PREP: variants seen among roughly 807,000 people sequenced by gnomAD.
PREP encodes prolyl endopeptidase.
In PREP, 29 loss-of-function variants were observed where a neutral mutation model predicts 87.6. The observed-to-expected ratio is 0.33, with a 90% CI of 0.25 to 0.45. The LOEUF is 0.45. PREP is among the 20% of genes least tolerant of loss of function. The probability of loss-of-function intolerance (pLI) is 1.00; values close to 1 mark genes in which losing one functional copy is unlikely to be tolerated. For synonymous variants in PREP, 337 were observed against 328.6 expected (o/e 1.03, Z -0.28); for missense variants, 695 against 886.5 (o/e 0.78, Z 2.74).
At chr6:105,320,541 T>C (rs1291173409) in intron 10 of PREP, among the ~76,000 whole-genome samples, 1 of 152,210 alleles carries the variant, frequency 6.6e-6, no homozygotes, top group African/African-American at 2.4e-5. Flanking sequence ...TCCTTCTCCT[T>C]GGCTGGTCTA....
intron 7 of PREP, among the ~76,000 whole-genome samples, chr6:105,343,900 G>C (rs1771729024): frequency 6.6e-6 from 1 of 152,194 alleles, no homozygotes; most frequent in Non-Finnish European, 1.5e-5. Context: ...TGGAGAAATA[G>C]GAACACTTTT....
intron 10 of PREP, among the ~76,000 whole-genome samples, chr6:105,321,158 C>A (rs1436647178): frequency 6.6e-6 from 1 of 152,178 alleles, no homozygotes; most frequent in Non-Finnish European, 1.5e-5. Flanking sequence ...AGATACAAAT[C>A]TTCTATTGGC....
At chr6:105,375,088 C>T (rs1476063023) in intron 4 of PREP, among the ~76,000 whole-genome samples, 1 of 151,966 alleles carries the variant, frequency 6.6e-6, no homozygotes, top group African/African-American at 2.4e-5. Context: ...AGAATCTGAG[C>T]TGGTGATGTC....
At chr6:105,388,261 T>A (rs1773053376) in intron 2 of PREP, among the ~76,000 whole-genome samples, 1 of 152,100 alleles carries the variant, frequency 6.6e-6, no homozygotes, top group African/African-American at 2.4e-5. Context: ...TGGGATACCA[T>A]CACTTGAAAA....
At chr6:105,323,313 C>G (rs1166746339) in intron 10 of PREP, among the ~76,000 whole-genome samples, 1 of 151,958 alleles carries the variant, frequency 6.6e-6, no homozygotes, top group African/African-American at 2.4e-5. Flanking sequence ...AGAGCAAATC[C>G]CCATGTTATT....
chr6:105,347,136 A>G (rs1562209754), intron 7 of PREP, among the ~76,000 whole-genome samples: 1 of 152,224 alleles, frequency 6.6e-6, no homozygotes, highest in Non-Finnish European at 1.5e-5. Flanking sequence ...CTGACTTTCT[A>G]CTGGAAAATT....
In PREP at chr6:105,277,299, T is replaced by A. The variant is rs1769962995; in HGVS notation, c.*845A>T. On this transcript the variant is annotated 3_prime_UTR_variant, in exon 15 of 15. Coordinates refer to ENST00000652536, the MANE Select transcript of PREP (RefSeq NM_002726.5). ...GGATATATGTATCTGTTTGTTTGGA[T>A]AATTTACTCATGTGATCTCTTGGAA... Among the ~76,000 whole-genome samples, 1 of 152,132 alleles carries A rather than the reference T, an allele frequency of 6.6e-6. No homozygotes were observed. Among genetic ancestry groups the A allele is most frequent in the Non-Finnish European group, 1.5e-5 (1 of 68,020 alleles).
chr6:105,311,762 C>T (rs1460654420), intron 10 of PREP, among the ~76,000 whole-genome samples: 3 of 152,192 alleles, frequency 2.0e-5, no homozygotes, highest in Admixed American at 2.0e-4. Flanking sequence ...AGGGGTTCTT[C>T]CCCATCCCAC....
At chr6:105,323,209 G>A in intron 10 of PREP, 1 of 993,306 alleles carries the variant, frequency 1.0e-6, no homozygotes, top group Non-Finnish European at 1.4e-6. Flanking sequence ...TCATTCAAAT[G>A]TTTTATTGAG....
intron 10 of PREP, among the ~76,000 whole-genome samples, chr6:105,301,021 TCA>T (rs199953818): frequency 0.01 from 1,580 of 152,322 alleles, 24 homozygotes; most frequent in South Asian, 0.012. Flanking sequence ...GAATGTGCAA[TCA>T]GTTAGGTTCC....
At position 105,383,871 on chromosome 6, in the gene PREP, G is replaced by C. The variant is rs191964331; in HGVS notation, c.121-6352C>G. Among the ~76,000 whole-genome samples the C allele has an allele frequency of 1.3e-3, 200 of 152,172 alleles. 1 individual carries two copies. Among genetic ancestry groups the C allele is most frequent in the African/African-American group, 4.7e-3 (195 of 41,514 alleles). On this transcript the variant is annotated intron_variant, in intron 2 of 14. Coordinates refer to ENST00000652536, the MANE Select transcript of PREP (RefSeq NM_002726.5). ...TTCCTGACCAAAAACCTGGTGAAGA[G>C]GTGATTTGCACCTCAAATCCAAACC...
Position 105,402,902 on chromosome 6 carries a change from AGGCAGGG to A in PREP, c.-18_-12del, listed in dbSNP as rs1773473220. ...CTGAAGGGACAGCATGGCCGGGGAC[AGGCAGGG>A]GGCAGCGTGGAGGGGCGCGGGCTCC... On this transcript the variant is annotated 5_prime_UTR_variant, in exon 1 of 15. Transcript: ENST00000652536. 6.7e-7 allele frequency: 1 copy of A among 1,501,106 alleles called. No homozygotes were observed. Among genetic ancestry groups the A allele is most frequent in the Non-Finnish European group, 9.0e-7 (1 of 1,113,608 alleles). The allele number at this position is 1,501,106 out of a possible 1,614,324, so 93.0% of individuals were successfully genotyped here. A position where few individuals can be genotyped will look rare whatever the true frequency, so the allele number is the denominator to read the frequency against.
rs144111710 is a variant in PREP at position 105,332,263 on chromosome 6, C to T, written c.1015+1051G>A. Among the ~76,000 whole-genome samples the T allele has an allele frequency of 6.8e-3, 1,034 of 152,160 alleles. 6 individuals are homozygous for T. Among genetic ancestry groups the T allele is most frequent in the Non-Finnish European group, 0.01 (699 of 68,016 alleles). ...AAGTGCCCATAGCAACCTGTGACCC[C>T]GAGAGAAGCAGCTGGAATCAGCTGC... On this transcript the variant is annotated intron_variant, in intron 8 of 14. Transcript: ENST00000652536.
At position 105,327,440 on chromosome 6, in the gene PREP, G is replaced by A. The variant is rs562573322; in HGVS notation, c.1213+1389C>T. On this transcript the variant is annotated intron_variant, in intron 9 of 14. Transcript: ENST00000652536. The stretch of plus-strand genomic sequence containing the variant: ...CTCTTGATCCGCTGCAAGGTGCTTG[G>A]GAAAGTAAAGCCTGGCTAGGTTTTC... Among the ~76,000 whole-genome samples the A allele has an allele frequency of 4.2e-4, 64 of 152,238 alleles. 2 individuals carry two copies. The South Asian group carries it at 0.013, about 32-fold the overall frequency.
chr6:105,319,734 G>A (rs556817976), intron 10 of PREP, among the ~76,000 whole-genome samples: 68 of 152,162 alleles, frequency 4.5e-4, no homozygotes, highest in Non-Finnish European at 8.5e-4. Flanking sequence ...TCAAAGCCCT[G>A]CCCAACTTCC....
rs957559372 is a variant in PREP at position 105,277,198 on chromosome 6, T to C, written c.*946A>G. Among the ~76,000 whole-genome samples the C allele has an allele frequency of 1.3e-5, 2 of 149,530 alleles. No homozygotes were observed. The highest frequency in any genetic ancestry group is 2.5e-5 in the African/African-American group (1 of 39,362). On this transcript the variant is annotated 3_prime_UTR_variant, in exon 15 of 15. Coordinates refer to ENST00000652536, the MANE Select transcript of PREP (RefSeq NM_002726.5). ...TTTTTCCAGTAAGTAAGTATGACTATTTCTATTTCCAGGAGTGATCTATGC... is the reference window on the plus strand; with the variant it reads ...TTTTTCCAGTAAGTAAGTATGACTACTTCTATTTCCAGGAGTGATCTATGC...
rs557648369 is a variant in PREP at position 105,278,603 on chromosome 6, CTCCTGGA to C, written c.1839-172_1839-166del. 3.2e-3 allele frequency among the ~76,000 whole-genome samples: 485 copies of C among 152,058 alleles called. No individual in the cohort carries two copies. The highest frequency in any genetic ancestry group is 5.5e-3 in the Admixed American group (84 of 15,304). ...CCATTTAGGCCATGACTGGCAAGGG[CTCCTGGA>C]AACTGGGGAGCTGTGTCATTTATGT... On this transcript the variant is annotated intron_variant, in intron 14 of 14. Coordinates refer to ENST00000652536, the MANE Select transcript of PREP (RefSeq NM_002726.5). This position sits in a 1 kb window ranked among gnomAD's most constrained non-coding sequence, Gnocchi z 4.2.
rs952380202 is a variant in PREP, at chr6:105,276,490, C to T, written c.*1654G>A. The stretch of plus-strand genomic sequence containing the variant: ...ACAGCTAGTCTAGGAAAGAGGCTGC[C>T]TCTGGCTTGACCATGCAAATGTATT... On this transcript the variant is annotated 3_prime_UTR_variant, in exon 15 of 15. Transcript: ENST00000652536. Among the ~76,000 whole-genome samples the T allele has an allele frequency of 4.6e-5, 7 of 152,214 alleles. No individual in the cohort carries two copies. The highest frequency in any genetic ancestry group is 1.4e-4 in the African/African-American group (6 of 41,454).
chr6:105,334,217 C>T (rs912357786), intron 7 of PREP, among the ~76,000 whole-genome samples: 9 of 152,232 alleles, frequency 5.9e-5, no homozygotes, highest in Non-Finnish European at 1.2e-4. Context: ...CTCCATTATA[C>T]TTGAAATAAA....
Sources: gnomAD v4.1 joint callset for allele counts (sites outside exome capture counted in the v4.1 genomes callset) on GRCh38, gnomAD v4.1.1 for gene constraint, Gnocchi (gnomAD v3.1) non-coding constraint, MANE v1.5 for transcripts, NCBI Gene and HGNC (gene_info 2026-07-23, HGNC 2026-07-21) for gene names.